The following ATP2B2 variants were observed in gnomAD, a reference collection of about 807,000 sequenced individuals.
The protein encoded by ATP2B2 is plasma membrane calcium-transporting ATPase 2.
In ATP2B2, 15 loss-of-function variants were observed where a neutral mutation model predicts 120.0. The ratio of observed to expected loss-of-function variants is 0.12; its 90% CI spans 0.08 to 0.19. ATP2B2 has a LOEUF of 0.19. Among genes scored for constraint, ATP2B2 ranks in the 10% least tolerant of loss-of-function variants. The pLI, the probability that ATP2B2 is intolerant of heterozygous loss-of-function variation, is 1.00. For missense variants in ATP2B2, 1,045 were observed against 1,719.8 expected (o/e 0.61, Z 6.94); for synonymous variants, 694 against 700.3 (o/e 0.99, Z 0.14).
At chr3:10,602,187 C>G (rs2125593561) in intron 2 of ATP2B2, among the ~76,000 whole-genome samples, 1 of 152,276 alleles carries the variant, frequency 6.6e-6, no homozygotes, top group African/African-American at 2.4e-5. Flanking sequence ...GGAGAAAGCA[C>G]TGAAAAATTC....
At chr3:10,571,037 C>T (rs889969421) in intron 2 of ATP2B2, among the ~76,000 whole-genome samples, 9 of 152,150 alleles carry the variant, frequency 5.9e-5, no homozygotes, top group African/African-American at 1.2e-4. Context: ...AGGCCACAAA[C>T]GAAAAGAGAC....
chr3:10,637,973 A>T (rs527911715), intron 1 of ATP2B2, among the ~76,000 whole-genome samples: 1 of 152,334 alleles, frequency 6.6e-6, no homozygotes, highest in African/African-American at 2.4e-5. Flanking sequence ...AATGCAAGTG[A>T]GAAGACAGTG....
chr3:10,505,845 A>G (rs1471585434), upstream of ATP2B2, among the ~76,000 whole-genome samples: 1 of 151,280 alleles, frequency 6.6e-6, no homozygotes, highest in Non-Finnish European at 1.5e-5. Context: ...TGCGGTTTTA[A>G]TTCCTCCCGT....
chr3:10,340,152 A>T lies in ATP2B2; in HGVS notation c.3237+90T>A. 7.8e-7 allele frequency: 1 copy of T among 1,285,812 alleles called. No homozygotes were observed. The highest frequency in any genetic ancestry group is 1.1e-6 in the Non-Finnish European group (1 of 896,574). The allele number at this position is 1,285,812 out of a possible 1,614,324, so 79.7% of individuals were successfully genotyped here. On this transcript the variant is annotated intron_variant, in intron 21 of 22. Transcript: ENST00000360273. This position sits in a 1 kb window ranked among gnomAD's most constrained non-coding sequence, Gnocchi z 5.0. ...GGGAGGAGCTTGCCTGGGGTCTGGCAGCCCATTCCTGGGGGTCCTGGATTC... is the reference window on the plus strand; with the variant it reads ...GGGAGGAGCTTGCCTGGGGTCTGGCTGCCCATTCCTGGGGGTCCTGGATTC...
chr3:10,547,297 T>A (rs2067568690), intron 2 of ATP2B2, among the ~76,000 whole-genome samples: 7 of 152,122 alleles, frequency 4.6e-5, no homozygotes, highest in Admixed American at 4.6e-4. Context: ...CCTCTTTAGG[T>A]CTCAGTTTCC....
chr3:10,414,430 G>A (rs1426308248), intron 2 of ATP2B2, among the ~76,000 whole-genome samples: 2 of 152,144 alleles, frequency 1.3e-5, no homozygotes, highest in Non-Finnish European at 2.9e-5. Flanking sequence ...GGTTGGGTGG[G>A]TTTTGTGAAT....
chr3:10,508,180 C>G (rs2066685371), upstream of ATP2B2, among the ~76,000 whole-genome samples: 1 of 152,210 alleles, frequency 6.6e-6, no homozygotes, highest in Admixed American at 6.5e-5. Flanking sequence ...ATCCACCCCG[C>G]AGTGACTGGA....
intron 22 of ATP2B2, among the ~76,000 whole-genome samples, chr3:10,333,628 T>G (rs556568957): frequency 1.3e-5 from 2 of 152,180 alleles, no homozygotes; most frequent in African/African-American, 4.8e-5. Flanking sequence ...AGGGGTTTGG[T>G]CAGGCTCTTT....
intron 2 of ATP2B2, among the ~76,000 whole-genome samples, chr3:10,612,227 C>A (rs536176993): frequency 1.3e-5 from 2 of 152,170 alleles, no homozygotes; most frequent in African/African-American, 4.8e-5. Context: ...CTGGGCTCTT[C>A]ACTCCCTATC....
At chr3:10,425,054 G>C (rs1200876296) in intron 2 of ATP2B2, among the ~76,000 whole-genome samples, 1 of 152,016 alleles carries the variant, frequency 6.6e-6, no homozygotes, top group Admixed American at 6.6e-5. Context: ...ACTTTGGGAG[G>C]CTGAGGCAGG....
intron 1 of ATP2B2, among the ~76,000 whole-genome samples, chr3:10,488,920 G>C (rs113796038): frequency 6.6e-6 from 1 of 152,018 alleles, no homozygotes; most frequent in Non-Finnish European, 1.5e-5. Flanking sequence ...GTCATTCTTC[G>C]AGGAAAAGCC....
chr3:10,670,373 G>T (rs376799385), intron 1 of ATP2B2, among the ~76,000 whole-genome samples: 23 of 152,162 alleles, frequency 1.5e-4, no homozygotes, highest in Non-Finnish European at 2.9e-4. Flanking sequence ...TAACGGGAAA[G>T]ATTGGCTTAG....
chr3:10,446,885 A>G (rs1025753029), intron 2 of ATP2B2, among the ~76,000 whole-genome samples: 1 of 152,234 alleles, frequency 6.6e-6, no homozygotes, highest in African/African-American at 2.4e-5. Context: ...CATTTTACAG[A>G]TGAGAAAACA....
chr3:10,500,144 G>A (rs1410603380), intron 1 of ATP2B2, among the ~76,000 whole-genome samples: 2 of 151,794 alleles, frequency 1.3e-5, no homozygotes, highest in African/African-American at 4.8e-5. Flanking sequence ...TGCCATGTTG[G>A]CCAGGCTGGT....
Position 10,375,352 on chromosome 3 carries a change from G to A in ATP2B2, c.1416+78C>T. 1 of 1,320,072 alleles carries A rather than the reference G, an allele frequency of 7.6e-7. No homozygotes were observed. Among genetic ancestry groups the A allele is most frequent in the Non-Finnish European group, 1.1e-6 (1 of 926,634 alleles). The allele number at this position is 1,320,072 out of a possible 1,614,324, so 81.8% of individuals were successfully genotyped here. A position where few individuals can be genotyped will look rare whatever the true frequency, so the allele number is the denominator to read the frequency against. On this transcript the variant is annotated intron_variant, in intron 11 of 22. Coordinates refer to ENST00000360273, the MANE Select transcript of ATP2B2 (RefSeq NM_001001331.4). The surrounding 1 kb of genome is among the most constrained non-coding windows in gnomAD (Gnocchi z 4.2). The stretch of plus-strand genomic sequence containing the variant: ...CTTCTTCGTTCATCTCCCAACCCCA[G>A]CACCAGCCCCAGTGATTCCCCCAGG...
intron 3 of ATP2B2, among the ~76,000 whole-genome samples, chr3:10,409,487 C>T (rs2062532706): frequency 6.6e-6 from 1 of 152,176 alleles, no homozygotes; most frequent in South Asian, 2.1e-4. Flanking sequence ...AGATTTAAAT[C>T]TCAATCATGG....
rs114598795 is a variant in ATP2B2 at position 10,488,727 on chromosome 3, G to A, written c.-320+16738C>T. 5.5e-3 allele frequency among the ~76,000 whole-genome samples: 833 copies of A among 152,058 alleles called. 7 individuals carry two copies. Among genetic ancestry groups the A allele is most frequent in the African/African-American group, 0.019 (801 of 41,464 alleles). On this transcript the variant is annotated intron_variant, in intron 1 of 22. Coordinates refer to ENST00000360273, the MANE Select transcript of ATP2B2 (RefSeq NM_001001331.4). Reference sequence around the variant, plus strand: ...CTACCTCTGAAGCTATCCTGAATGTGACCCTCTTTCTCCACCTCCAGTCTC... The same window carrying A: ...CTACCTCTGAAGCTATCCTGAATGTAACCCTCTTTCTCCACCTCCAGTCTC...
chr3:10,375,546 G>T lies in ATP2B2; in HGVS notation c.1300C>A (p.Pro434Thr). The change falls in exon 11 of 23, where the codon CCC becomes ACC. Residue 434 changes from proline (P) to threonine (T), a missense_variant. Transcript: ENST00000360273. The surrounding 1 kb of genome is among the most constrained non-coding windows in gnomAD (Gnocchi z 4.2). ...TTGACAAAGTACTGCACGTAGACGG[G>T]CGTGCACTCAGGCAGCCACGGCTTC... ...NKKPWLPECT[P>T]VYVQYFVKFF... 1 of 1,613,684 alleles carries T rather than the reference G, an allele frequency of 6.2e-7. No homozygotes were observed. Among genetic ancestry groups the T allele is most frequent in the Non-Finnish European group, 8.5e-7 (1 of 1,179,976 alleles).
At chr3:10,369,641 C>T (rs1057245307) in intron 12 of ATP2B2, among the ~76,000 whole-genome samples, 1 of 152,218 alleles carries the variant, frequency 6.6e-6, no homozygotes, top group African/African-American at 2.4e-5. Context: ...CAATACTAGT[C>T]ATACTGAGTG....
Sources: gnomAD v4.1 joint callset for allele counts (sites outside exome capture counted in the v4.1 genomes callset) on GRCh38, gnomAD v4.1.1 for gene constraint, Gnocchi (gnomAD v3.1) non-coding constraint, MANE v1.5 for transcripts, NCBI Gene and HGNC (gene_info 2026-07-23, HGNC 2026-07-21) for gene names.